CACNB4: variants seen among roughly 807,000 people sequenced by gnomAD.
The protein encoded by CACNB4 is voltage-dependent L-type calcium channel subunit beta-4.
CACNB4 carries 32 observed loss-of-function variants against 71.2 expected under a neutral mutation model. The ratio of observed to expected loss-of-function variants is 0.45; its 90% confidence interval spans 0.34 to 0.60. The LOEUF is 0.60. CACNB4 is among the 20% of genes least tolerant of loss of function. CACNB4 has a pLI of 0.01. For synonymous variants in CACNB4, 231 were observed against 236.9 expected (o/e 0.97, Z 0.23); for missense variants, 464 against 647.9 (o/e 0.72, Z 3.08).
At chr2:151,875,796 G>A (rs2099845972) in intron 5 of CACNB4, among the ~76,000 whole-genome samples, 1 of 129,018 alleles carries the variant, frequency 7.8e-6, no homozygotes, top group Non-Finnish European at 1.7e-5. Context: ...CCGGGCAGGG[G>A]GCTGACCCCC....
rs200877914 is a variant in CACNB4, at chr2:151,961,901, A to T, written c.148-78531T>A. Among the ~76,000 whole-genome samples, 3 of 7,068 alleles carry T rather than the reference A, an allele frequency of 4.2e-4. No homozygotes were observed. In the Non-Finnish European group the frequency reaches 6.7e-3, roughly 16 times the overall value. 4.6% of individuals were successfully genotyped at this position (7,068 alleles called of 152,430 possible). ...AGGAAGACCCTGTCTCAAAAAAAAT[A>T]AAAAAAAGAATGTCTCCCAATTGCA... On this transcript the variant is annotated intron_variant, in intron 2 of 13. Coordinates refer to ENST00000539935, the MANE Select transcript of CACNB4 (RefSeq NM_000726.5).
intron 2 of CACNB4, among the ~76,000 whole-genome samples, chr2:152,010,547 G>C (rs2105061086): frequency 6.6e-6 from 1 of 152,334 alleles, no homozygotes; most frequent in East Asian, 1.9e-4. Context: ...TGATATTAGA[G>C]ACTTCACACA....
intron 2 of CACNB4, among the ~76,000 whole-genome samples, chr2:151,950,589 G>C (rs1237225042): frequency 3.3e-5 from 5 of 152,212 alleles, no homozygotes; most frequent in African/African-American, 1.2e-4. Flanking sequence ...ATCAGCAGAT[G>C]AATGTGGGCT....
intron 2 of CACNB4, among the ~76,000 whole-genome samples, chr2:151,944,611 G>A (rs1454832550): frequency 6.6e-6 from 1 of 152,130 alleles, no homozygotes; most frequent in East Asian, 1.9e-4. Context: ...GGCCAACATG[G>A]AGAAACTCCA....
intron 2 of CACNB4, among the ~76,000 whole-genome samples, chr2:152,057,912 C>T (rs1257965518): frequency 6.6e-6 from 1 of 152,210 alleles, no homozygotes; most frequent in African/African-American, 2.4e-5. Context: ...CAAATCTCAT[C>T]TTGAATCGTA....
intron 2 of CACNB4, among the ~76,000 whole-genome samples, chr2:151,921,188 A>T (rs1284499665): frequency 1.6e-4 from 1 of 6,258 alleles, no homozygotes; most frequent in African/African-American, 2.0e-4. Flanking sequence ...TAAATAAGTT[A>T]AAAAAAAACA....
At chr2:151,868,619 G>T (rs2099843785) in intron 9 of CACNB4, 1 of 151,770 alleles carries the variant, frequency 6.6e-6, no homozygotes, top group Non-Finnish European at 1.5e-5. Context: ...AAATAACAAG[G>T]ACATTTCTAA....
chr2:152,029,507 A>AAAAAGAAAAG (rs70974818), intron 2 of CACNB4, among the ~76,000 whole-genome samples: 1,868 of 104,672 alleles, frequency 0.018, 22 homozygotes, highest in Non-Finnish European at 0.024. Context: ...AAAAAAAAAA[A>AAAAAGAAAAG]AAAAGAAAAG....
At chr2:151,875,360 C>T (rs1163898551) in intron 5 of CACNB4, among the ~76,000 whole-genome samples, 2 of 150,108 alleles carry the variant, frequency 1.3e-5, no homozygotes, top group Admixed American at 1.3e-4. Flanking sequence ...TTTCTTAGTA[C>T]AGAACAAAAT....
intron 5 of CACNB4, among the ~76,000 whole-genome samples, chr2:151,875,575 C>A (rs1471874968): frequency 6.7e-6 from 1 of 149,392 alleles, no homozygotes; most frequent in African/African-American, 2.5e-5. Flanking sequence ...GGCGGCCGGG[C>A]AGAGGCGCCC....
Position 152,098,525 on chromosome 2 carries a change from G to C in CACNB4, c.64-112C>G, listed in dbSNP as rs1579294565. 1 of 1,362,768 alleles carries C rather than the reference G, an allele frequency of 7.3e-7. No individual in the cohort carries two copies. The highest frequency in any genetic ancestry group is 1.0e-6 in the Non-Finnish European group (1 of 959,544). 84.4% of individuals were successfully genotyped at this position (1,362,768 alleles called of 1,614,324 possible). A position where few individuals can be genotyped will look rare whatever the true frequency, so the allele number is the denominator to read the frequency against. ...CGGACCCGCTCCCTGGGGTCCCCTA[G>C]AGCCCGCACCCAAGTCTCCTCCGCG... On this transcript the variant is annotated intron_variant, in intron 1 of 13. Transcript: ENST00000539935. This position sits in a 1 kb window ranked among gnomAD's most constrained non-coding sequence, Gnocchi z 5.3.
intron 2 of CACNB4, among the ~76,000 whole-genome samples, chr2:151,888,024 T>G (rs1176184571): frequency 2.6e-5 from 4 of 152,200 alleles, no homozygotes; most frequent in African/African-American, 9.6e-5. Flanking sequence ...AATTCAGTGA[T>G]TTTTAATAAA....
At chr2:151,869,291 AAGTCAAAAGG>A in intron 8 of CACNB4, 56 bp from the exon 9 acceptor site, 9 of 1,023,692 alleles carry the variant, frequency 8.8e-6, no homozygotes, top group African/African-American at 1.6e-5. Context: ...AGAGAGAGAG[AAGTCAAAAGG>A]GAGAGAGGAG....
At chr2:152,042,839 C>G (rs139196248) in intron 2 of CACNB4, among the ~76,000 whole-genome samples, 259 of 152,086 alleles carry the variant, frequency 1.7e-3, no homozygotes, top group African/African-American at 6.1e-3. Flanking sequence ...GACAGGAGGT[C>G]GGCACAAGAT....
chr2:151,993,784 C>T (rs1368522477), intron 2 of CACNB4, among the ~76,000 whole-genome samples: 3 of 151,412 alleles, frequency 2.0e-5, no homozygotes, highest in Admixed American at 6.6e-5. Context: ...AGGCTGGTCT[C>T]GAACTCCTGA....
intron 2 of CACNB4, among the ~76,000 whole-genome samples, chr2:151,925,491 G>A (rs1483369608): frequency 2.6e-5 from 4 of 152,152 alleles, no homozygotes; most frequent in Non-Finnish European, 5.9e-5. Context: ...TGTTTTTGCT[G>A]CTGAATGAAT....
intron 10 of CACNB4, chr2:151,859,323 G>A (rs1559878388): frequency 6.6e-6 from 1 of 152,188 alleles, no homozygotes; most frequent in Non-Finnish European, 1.5e-5. Flanking sequence ...CCCTTGGCAG[G>A]TGTCAATGGT....
chr2:151,876,607 GTTGT>G (rs1453235092), intron 4 of CACNB4, 51 bp from the exon 5 acceptor site: 7 of 1,131,460 alleles, frequency 6.2e-6, no homozygotes, highest in Non-Finnish European at 8.4e-6. Context: ...TTATCTTCAC[GTTGT>G]TTATTAATCT....
At chr2:151,872,033 C>T in intron 6 of CACNB4, 1 of 266,692 alleles carries the variant, frequency 3.7e-6, no homozygotes, top group Non-Finnish European at 7.2e-6. Context: ...TCCTGAAATT[C>T]CACATGGAGA....
Sources: allele counts gnomAD v4.1 joint callset (sites outside exome capture counted in the v4.1 genomes callset), GRCh38; gene constraint gnomAD v4.1.1; non-coding constraint Gnocchi (gnomAD v3.1); transcripts MANE v1.5; gene names NCBI Gene and HGNC (gene_info 2026-07-23, HGNC 2026-07-21).